The following PAMR1 variants were observed in gnomAD, a reference collection of about 807,000 sequenced individuals.
PAMR1 encodes the protein inactive serine protease PAMR1.
PAMR1 carries 88 observed loss-of-function variants against 81.8 expected under a neutral mutation model. The observed-to-expected ratio is 1.08, with a 90% confidence interval of 0.91 to 1.28. PAMR1 has a LOEUF of 1.28. PAMR1 is among the 50% of genes most tolerant of loss of function. The pLI is 0.00. For synonymous variants in PAMR1, 336 were observed against 345.3 expected (o/e 0.97, Z 0.30); for missense variants, 935 against 919.7 (o/e 1.02, Z -0.21).
chr11:35,443,103 G>A (rs982281616), intron 6 of PAMR1, among the ~76,000 whole-genome samples: 1 of 151,388 alleles, frequency 6.6e-6, no homozygotes, highest in African/African-American at 2.4e-5. Context: ...TAGACTCCCT[G>A]GTTTCCTTAA....
chr11:35,501,531 C>T (rs1248512404), intron 1 of PAMR1, among the ~76,000 whole-genome samples: 1 of 151,846 alleles, frequency 6.6e-6, no homozygotes, highest in Non-Finnish European at 1.5e-5. Flanking sequence ...TGTTTTTATA[C>T]TATATGTTTT....
chr11:35,436,913 A>G (rs1480233624), intron 8 of PAMR1, among the ~76,000 whole-genome samples: 4 of 152,236 alleles, frequency 2.6e-5, no homozygotes, highest in African/African-American at 9.6e-5. Context: ...AGAAATGTAG[A>G]CATTTTTTTC....
At chr11:35,497,140 T>C (rs1850740914) in intron 1 of PAMR1, among the ~76,000 whole-genome samples, 1 of 152,076 alleles carries the variant, frequency 6.6e-6, no homozygotes, top group South Asian at 2.1e-4. Flanking sequence ...GACACCAGCC[T>C]GGGAAACAGA....
At position 35,474,628 on chromosome 11, in the gene PAMR1, A is replaced by T; in HGVS notation, c.494+2T>A. 1 of 1,563,988 alleles carries T rather than the reference A, an allele frequency of 6.4e-7. No homozygotes were observed. Among genetic ancestry groups the T allele is most frequent in the African/African-American group, 1.4e-5 (1 of 73,046 alleles). On this transcript the variant is annotated splice_donor_variant, in intron 4 of 10. Coordinates refer to ENST00000619888, the MANE Select transcript of PAMR1 (RefSeq NM_001001991.3). LOFTEE classifies it high-confidence loss of function. The stretch of plus-strand genomic sequence containing the variant: ...TCCTGACTTCTGGCCCCAGCTCCTT[A>T]CCTTAGTTGGATGACAAACCCAGGT...
chr11:35,487,226 A>C (rs1203032056), intron 3 of PAMR1, among the ~76,000 whole-genome samples: 3 of 152,088 alleles, frequency 2.0e-5, no homozygotes, highest in Non-Finnish European at 4.4e-5. Flanking sequence ...AAAAAAAAAA[A>C]AAAAACTGAA....
intron 9 of PAMR1, 46 bp downstream of exon 9, chr11:35,435,857 A>G: frequency 7.1e-7 from 1 of 1,404,152 alleles, no homozygotes; most frequent in Non-Finnish European, 1.0e-6. Flanking sequence ...TCAGGCAGTC[A>G]TGAAAGATTG....
At chr11:35,474,053 C>T (rs16927502) in intron 4 of PAMR1, among the ~76,000 whole-genome samples, 5,560 of 152,286 alleles carry the variant, frequency 0.037, 258 homozygotes, top group East Asian at 0.21. Context: ...ACAGGACCCT[C>T]GTGTAGCATT....
chr11:35,434,911 G>C, intron 9 of PAMR1, 107 bp from the exon 10 acceptor site: 1 of 1,010,646 alleles, frequency 9.9e-7, no homozygotes, highest in Non-Finnish European at 1.5e-6. Context: ...AACTGTATGG[G>C]CATGATGACC....
At chr11:35,469,548 T>G (rs114144777) in intron 5 of PAMR1, among the ~76,000 whole-genome samples, 3,064 of 152,228 alleles carry the variant, frequency 0.02, 92 homozygotes, top group South Asian at 0.11. Flanking sequence ...GCATCAGAAC[T>G]CCCAGGCCCT....
chr11:35,485,572 T>C (rs1384414500), intron 3 of PAMR1, among the ~76,000 whole-genome samples: 1 of 152,244 alleles, frequency 6.6e-6, no homozygotes, highest in Non-Finnish European at 1.5e-5. Context: ...TCCTCCTGGA[T>C]AATACAACCT....
At chr11:35,472,308 T>C (rs150990620) in intron 4 of PAMR1, among the ~76,000 whole-genome samples, 101 of 152,336 alleles carry the variant, frequency 6.6e-4, no homozygotes, top group African/African-American at 2.3e-3. Context: ...GCTGAAGAGA[T>C]AGTGCAACTA....
At chr11:35,462,256 T>C (rs1286966689) in intron 6 of PAMR1, among the ~76,000 whole-genome samples, 1 of 152,188 alleles carries the variant, frequency 6.6e-6, no homozygotes, top group Non-Finnish European at 1.5e-5. Context: ...CATTACTCTA[T>C]TTGTCATTTC....
intron 4 of PAMR1, among the ~76,000 whole-genome samples, chr11:35,472,192 C>T (rs1302151121): frequency 1.3e-5 from 2 of 152,212 alleles, no homozygotes; most frequent in Non-Finnish European, 2.9e-5. Flanking sequence ...CCACCATGCA[C>T]TCACTGTGTG....
rs1590326675 is a variant in PAMR1, at chr11:35,449,532, ATTC to A, written c.821-7842_821-7840del. Reference sequence around the variant, plus strand: ...CAGCTACTGTGCTGCACTGTGAGGAATTCTTCTCTGTCCAAACCGTCCGATCTT... The same window carrying A: ...CAGCTACTGTGCTGCACTGTGAGGAATTCTCTGTCCAAACCGTCCGATCTT... On this transcript the variant is annotated intron_variant, in intron 6 of 10. Transcript: ENST00000619888. Among the ~76,000 whole-genome samples, 4 of 152,280 alleles carry A rather than the reference ATTC, an allele frequency of 2.6e-5. No homozygotes were observed. The East Asian group carries it at 7.7e-4, about 29-fold the overall frequency.
Position 35,432,184 on chromosome 11 carries a change from A to G in PAMR1, c.*172T>C. ...CTAGTAGTGGACGCGGCATCAGCCT[A>G]CCAGCAATGGAGGTCTACTCACCCT... On this transcript the variant is annotated 3_prime_UTR_variant, in exon 11 of 11. Transcript: ENST00000619888. 1.6e-6 allele frequency: 1 copy of G among 620,378 alleles called. No homozygotes were observed. The highest frequency in any genetic ancestry group is 2.8e-6 in the Non-Finnish European group (1 of 353,988). 38.4% of individuals were successfully genotyped at this position (620,378 alleles called of 1,614,324 possible). A position where few individuals can be genotyped will look rare whatever the true frequency, so the allele number is the denominator to read the frequency against.
chr11:35,467,309 A>G (rs114572365), intron 6 of PAMR1, among the ~76,000 whole-genome samples: 2,651 of 152,156 alleles, frequency 0.017, 79 homozygotes, highest in African/African-American at 0.061. Context: ...TTGTGTACAC[A>G]TTCTCAACTC....
chr11:35,492,236 T>C (rs755386882), intron 2 of PAMR1, 63 bp from the exon 3 acceptor site: 1 of 1,580,844 alleles, frequency 6.3e-7, no homozygotes, highest in Non-Finnish European at 8.6e-7. Flanking sequence ...ATCAGCTGCA[T>C]GGGAGCACAA....
chr11:35,513,248 C>T (rs1426954562), intron 1 of PAMR1: 1 of 152,234 alleles, frequency 6.6e-6, no homozygotes, highest in East Asian at 1.9e-4. Flanking sequence ...ATACCAGACA[C>T]AGTTCTAGGT....
At chr11:35,466,254 T>A (rs546949687) in intron 6 of PAMR1, among the ~76,000 whole-genome samples, 53 of 152,308 alleles carry the variant, frequency 3.5e-4, no homozygotes, top group Middle Eastern at 6.8e-3. Context: ...GCACACAACA[T>A]GGCAGGCTCA....
Sources: allele counts gnomAD v4.1 joint callset (sites outside exome capture counted in the v4.1 genomes callset), GRCh38; gene constraint gnomAD v4.1.1; transcripts MANE v1.5; gene names NCBI Gene and HGNC (gene_info 2026-07-23, HGNC 2026-07-21).